The following DCUN1D4 variants were observed in gnomAD, a reference collection of about 807,000 sequenced individuals.
The protein encoded by DCUN1D4 is defective in cullin neddylation 1 domain containing 4.
DCUN1D4 carries 22 observed loss-of-function variants against 47.9 expected under a neutral mutation model. That is an observed-to-expected ratio of 0.46 (90% CI 0.33 to 0.66). The LOEUF (loss-of-function observed/expected upper bound fraction) is 0.66. Among genes scored for constraint, DCUN1D4 ranks in the 30% least tolerant of loss-of-function variants. The pLI is 0.02. For missense variants in DCUN1D4, 301 were observed against 340.8 expected (o/e 0.88, Z 0.92); for synonymous variants, 121 against 112.2 (o/e 1.08, Z -0.50).
chr4:51,838,949 C>A (rs900821712), upstream of DCUN1D4, among the ~76,000 whole-genome samples: 4 of 152,092 alleles, frequency 2.6e-5, no homozygotes, highest in Non-Finnish European at 5.9e-5. Flanking sequence ...GTGGCGTGTG[C>A]CTGTAATCCC....
At chr4:51,908,525 A>T (rs1465335041) in intron 8 of DCUN1D4, among the ~76,000 whole-genome samples, 1 of 151,966 alleles carries the variant, frequency 6.6e-6, no homozygotes, top group East Asian at 1.9e-4. Context: ...ATTTGTGTTG[A>T]CAGCGTATAA....
intron 7 of DCUN1D4, among the ~76,000 whole-genome samples, chr4:51,893,682 A>G (rs1287288588): frequency 6.6e-6 from 1 of 152,138 alleles, no homozygotes; most frequent in Non-Finnish European, 1.5e-5. Context: ...TCAGCCTCCC[A>G]AGGTGTTGGG....
chr4:51,846,977 T>C (rs1171112539), intron 1 of DCUN1D4, among the ~76,000 whole-genome samples: 1 of 152,202 alleles, frequency 6.6e-6, no homozygotes, highest in African/African-American at 2.4e-5. Flanking sequence ...GAGAAGTCTT[T>C]TGCAGAAACT....
chr4:51,870,576 G>C (rs1726729418), intron 3 of DCUN1D4, among the ~76,000 whole-genome samples: 1 of 151,816 alleles, frequency 6.6e-6, no homozygotes, highest in African/African-American at 2.4e-5. Flanking sequence ...TTTACTGAGA[G>C]TCTACCGTAT....
chr4:51,878,731 C>G (rs1728077250), intron 5 of DCUN1D4, among the ~76,000 whole-genome samples: 1 of 152,210 alleles, frequency 6.6e-6, no homozygotes. Context: ...CTCCGTTTTT[C>G]CATCTGACAT....
In DCUN1D4 at chr4:51,874,371, A is replaced by G. The variant is rs140126295; in HGVS notation, c.237A>G (p.Lys79=). ...PASGDDLSAK[K]SRHDSMYRKY... ...CTGGAGATGATTTATCTGCCAAGAA[A>G]AGTAGACATGATAGGTATGATGTAG... Residue 79 remains lysine, a synonymous_variant, in exon 4 of 11, where the codon AAA becomes AAG. Coordinates refer to ENST00000334635, the MANE Select transcript of DCUN1D4 (RefSeq NM_001040402.3). 4 of 1,612,268 alleles carry G rather than the reference A, an allele frequency of 2.5e-6. No homozygotes were observed. Among genetic ancestry groups the G allele is most frequent in the Non-Finnish European group, 3.4e-6 (4 of 1,178,756 alleles).
intron 1 of DCUN1D4, among the ~76,000 whole-genome samples, chr4:51,851,614 T>C (rs1723376362): frequency 6.7e-6 from 1 of 148,354 alleles, no homozygotes; most frequent in Non-Finnish European, 1.5e-5. Context: ...CCAGGGAGAG[T>C]GTATGAGTGG....
chr4:51,869,308 T>C (rs763525301), intron 3 of DCUN1D4, among the ~76,000 whole-genome samples: 24 of 152,180 alleles, frequency 1.6e-4, no homozygotes, highest in Non-Finnish European at 1.5e-5. Flanking sequence ...ACTGGTAAGA[T>C]ATCTTAAGCG....
chr4:51,845,681 T>C (rs1577813515), intron 1 of DCUN1D4, among the ~76,000 whole-genome samples: 1 of 152,316 alleles, frequency 6.6e-6, no homozygotes, highest in African/African-American at 2.4e-5. Context: ...TATAAGGTAT[T>C]ATGAAACTAC....
At position 51,855,218 on chromosome 4, in the gene DCUN1D4, G is replaced by C. The variant is rs143146477; in HGVS notation, c.26-8219G>C. 1.3e-3 allele frequency among the ~76,000 whole-genome samples: 205 copies of C among 152,298 alleles called. 3 individuals carry two copies. The highest frequency in any genetic ancestry group is 4.3e-3 in the African/African-American group (180 of 41,556). ...GGCAAATCTATAGAGACAGAAAGTA[G>C]ATTAGTGGTTGCCTAGAGCTGAAGA... On this transcript the variant is annotated intron_variant, in intron 1 of 10. Transcript: ENST00000334635.
chr4:51,836,441 A>ATG, the DCUN1D4 span, among the ~76,000 whole-genome samples: 2 of 152,142 alleles, frequency 1.3e-5, no homozygotes, highest in African/African-American at 2.4e-5. Flanking sequence ...AGATGAACAT[A>ATG]TGTGTGTGTG....
intron 5 of DCUN1D4, among the ~76,000 whole-genome samples, chr4:51,882,963 A>G (rs1728909499): frequency 6.6e-6 from 1 of 152,176 alleles, no homozygotes; most frequent in South Asian, 2.1e-4. Flanking sequence ...AACACCCTTA[A>G]CAAAATAGGA....
intron 8 of DCUN1D4, among the ~76,000 whole-genome samples, chr4:51,900,978 T>C (rs1732011127): frequency 6.6e-6 from 1 of 152,210 alleles, no homozygotes; most frequent in Non-Finnish European, 1.5e-5. Flanking sequence ...GCAGTCACCC[T>C]GGCACATCTC....
intron 8 of DCUN1D4, 48 bp from the exon 9 acceptor site, chr4:51,911,022 T>A: frequency 3.9e-6 from 6 of 1,557,348 alleles, no homozygotes; most frequent in Non-Finnish European, 5.3e-6. Flanking sequence ...TATTGGAATT[T>A]ATTATTTGGG....
chr4:51,912,962 A>G (rs1420763588), intron 9 of DCUN1D4, among the ~76,000 whole-genome samples: 1 of 152,176 alleles, frequency 6.6e-6, no homozygotes, highest in Non-Finnish European at 1.5e-5. Context: ...AATTCTTATA[A>G]TATCTTTATG....
At chr4:51,854,820 T>A (rs989371836) in intron 1 of DCUN1D4, among the ~76,000 whole-genome samples, 1 of 152,228 alleles carries the variant, frequency 6.6e-6, no homozygotes, top group South Asian at 2.1e-4. Flanking sequence ...CAAGTGTCCT[T>A]TATCTGAAAA....
intron 3 of DCUN1D4, among the ~76,000 whole-genome samples, chr4:51,873,807 G>GT (rs532373063): frequency 1.6e-3 from 244 of 152,040 alleles, no homozygotes; most frequent in Middle Eastern, 0.014. Flanking sequence ...CCCAAATCCT[G>GT]TTTTTTTTAA....
intron 5 of DCUN1D4, among the ~76,000 whole-genome samples, chr4:51,880,913 G>C (rs184968731): frequency 2.0e-5 from 3 of 152,278 alleles, no homozygotes; most frequent in African/African-American, 7.2e-5. Flanking sequence ...TGGATCATGA[G>C]ATCAGGAGAT....
chr4:51,860,796 C>T (rs1478979512), intron 1 of DCUN1D4: 1 of 317,196 alleles, frequency 3.2e-6, no homozygotes, highest in Non-Finnish European at 6.4e-6. Context: ...CCACCTCTGG[C>T]ACTGAGAATT....
Sources: gnomAD v4.1 joint callset for allele counts (sites outside exome capture counted in the v4.1 genomes callset) on GRCh38, gnomAD v4.1.1 for gene constraint, MANE v1.5 for transcripts, NCBI Gene and HGNC (gene_info 2026-07-23, HGNC 2026-07-21) for gene names.